Variants in RIPOR1 observed in about 807,000 individuals in gnomAD.
RIPOR1 encodes rho family-interacting cell polarization regulator 1.
In RIPOR1, 58 loss-of-function variants were observed where a neutral mutation model predicts 116.5. The ratio of observed to expected loss-of-function variants is 0.50; its 90% CI spans 0.40 to 0.62. The LOEUF is 0.62. Among genes scored for constraint, RIPOR1 ranks in the 20% least tolerant of loss-of-function variants. The probability of loss-of-function intolerance (pLI) is 0.00; values close to 1 mark genes in which losing one functional copy is unlikely to be tolerated. For synonymous variants in RIPOR1, 605 were observed against 650.0 expected (o/e 0.93, Z 1.05); for missense variants, 1,372 against 1,586.2 (o/e 0.86, Z 2.29).
chr16:67,528,534 C>G (rs1458319068), upstream of RIPOR1: 2 of 152,484 alleles, frequency 1.3e-5, no homozygotes, highest in Admixed American at 6.5e-5. Flanking sequence ...ACAGGGGGCC[C>G]GCAAGGTCTC....
At chr16:67,539,128 C>A in intron 4 of RIPOR1, 60 bp downstream of exon 4, 1 of 1,430,288 alleles carries the variant, frequency 7.0e-7, no homozygotes, top group Non-Finnish European at 9.7e-7. Context: ...TGGGCAAGGG[C>A]AGCCCTGGGT....
At position 67,540,501 on chromosome 16, in the gene RIPOR1, G is replaced by A. The variant is rs2050948004; in HGVS notation, c.675G>A (p.Glu225=). Residue 225 remains glutamate (E), a splice_region_variant and synonymous_variant, in exon 9 of 22, where the codon GAG becomes GAA. Coordinates refer to ENST00000042381, the MANE Select transcript of RIPOR1 (RefSeq NM_024519.4). The surrounding 1 kb of genome is among the most constrained non-coding windows in gnomAD (Gnocchi z 4.7). ...GGCTGTGTGTAGGCGATCAGTATGAGGTATGAGAATGTGCAGGGAAGGGCT... is the reference window on the plus strand; with the variant it reads ...GGCTGTGTGTAGGCGATCAGTATGAAGTATGAGAATGTGCAGGGAAGGGCT... The part of the protein sequence containing the change: ...FARLCVGDQY[E]ICMKYGRQRW... The A allele has an allele frequency of 6.2e-7, 1 of 1,614,120 alleles. No individual in the cohort carries two copies. The highest frequency in any genetic ancestry group is 8.5e-7 in the Non-Finnish European group (1 of 1,180,002).
chr16:67,544,972 C>T lies in RIPOR1; in HGVS notation c.2886C>T (p.Ala962=). Residue 962 remains alanine, a synonymous_variant, in exon 17 of 22, where the codon GCC becomes GCT. Transcript: ENST00000042381. The surrounding 1 kb of genome is among the most constrained non-coding windows in gnomAD (Gnocchi z 5.1). ...CCCTCACAGTGGTGCAGTTCTCGGC[C>T]TCTCGGCCTGGCTTCCTGACCTTCT... is the stretch of plus-strand genomic sequence containing the variant. ...SSAQEVVQFS[A]SRPGFLTFWD... 1 of 1,612,832 alleles carries T rather than the reference C, an allele frequency of 6.2e-7. No individual in the cohort carries two copies. Among genetic ancestry groups the T allele is most frequent in the Non-Finnish European group, 8.5e-7 (1 of 1,180,006 alleles).
At chr16:67,524,322 G>C (rs2050522876), upstream of RIPOR1, among the ~76,000 whole-genome samples, 1 of 152,124 alleles carries the variant, frequency 6.6e-6, no homozygotes, top group South Asian at 2.1e-4. Flanking sequence ...GGGTGTGGAG[G>C]CTGGTGGTGG....
chr16:67,529,937 C>T lies in RIPOR1; in HGVS notation c.-24+1023C>T, dbSNP rs950361053. Reference sequence around the variant, plus strand: ...ATCTGAGTCCTTGCCCCTGCGACACCCACCTCCGTGGTATTGGAGGGAGGA... The same window carrying T: ...ATCTGAGTCCTTGCCCCTGCGACACTCACCTCCGTGGTATTGGAGGGAGGA... On this transcript the variant is annotated intron_variant, in intron 1 of 21. Transcript: ENST00000042381. The surrounding 1 kb of genome is among the most constrained non-coding windows in gnomAD (Gnocchi z 4.1). 2.2e-6 allele frequency: 2 copies of T among 926,056 alleles called. No homozygotes were observed. The highest frequency in any genetic ancestry group is 1.6e-5 in the African/African-American group (1 of 61,434). The allele number at this position is 926,056 out of a possible 1,614,324, so 57.4% of individuals were successfully genotyped here. A position where few individuals can be genotyped will look rare whatever the true frequency, so the allele number is the denominator to read the frequency against.
At position 67,540,728 on chromosome 16, in the gene RIPOR1, AG is replaced by A; in HGVS notation, c.801+26del. ...AGGTGATGTCTCTGCCCAGGACGGC[AG>A]GCCACCATGGCCCTGTGAACCCCTT... On this transcript the variant is annotated intron_variant, in intron 10 of 21. Coordinates refer to ENST00000042381, the MANE Select transcript of RIPOR1 (RefSeq NM_024519.4). The surrounding 1 kb of genome is among the most constrained non-coding windows in gnomAD (Gnocchi z 4.7). 6.4e-7 allele frequency: 1 copy of A among 1,560,270 alleles called. No homozygotes were observed.
rs971492171 is a variant in RIPOR1 at position 67,537,663 on chromosome 16, G to C, written c.-23-761G>C. ...CCCAGGGGAAGCAGGCCGGGTTTGG[G>C]GGCCAGGAGTGTGTGTTTCGCCGAA... On this transcript the variant is annotated intron_variant, in intron 1 of 21. Coordinates refer to ENST00000042381, the MANE Select transcript of RIPOR1 (RefSeq NM_024519.4). The surrounding 1 kb of genome is among the most constrained non-coding windows in gnomAD (Gnocchi z 4.6). 1.7e-6 allele frequency: 2 copies of C among 1,148,552 alleles called. No individual in the cohort carries two copies. Among genetic ancestry groups the C allele is most frequent in the Non-Finnish European group, 2.3e-6 (2 of 880,458 alleles). The allele number at this position is 1,148,552 out of a possible 1,614,324, so 71.1% of individuals were successfully genotyped here.
chr16:67,526,291 C>T (rs2050539247), upstream of RIPOR1, among the ~76,000 whole-genome samples: 3 of 152,242 alleles, frequency 2.0e-5, no homozygotes, highest in South Asian at 4.1e-4. Context: ...GTGGAGGCTG[C>T]ATCCAGGGAG....
Position 67,540,192 on chromosome 16 carries a change from G to A in RIPOR1, c.554G>A (p.Arg185His), listed in dbSNP as rs199511942. The A allele has an allele frequency of 1.5e-4, 244 of 1,613,968 alleles. No individual in the cohort carries two copies. The highest frequency in any genetic ancestry group is 8.1e-5 in the Non-Finnish European group (96 of 1,179,986). Reference sequence around the variant, plus strand: ...CTGGCAGAGGCCACTCGGGGGCATCGCGAGTACACGGAGGTGAGGGATGGG... The same window carrying A: ...CTGGCAGAGGCCACTCGGGGGCATCACGAGTACACGGAGGTGAGGGATGGG... ...DSLAEATRGH[R>H]EYTESMCLLE... Residue 185 changes from arginine to histidine, a missense_variant, in exon 7 of 22, where the codon CGC becomes CAC. Physicochemically the swap from Arg to His is conservative, Grantham distance 29. Transcript: ENST00000042381. This position sits in a 1 kb window ranked among gnomAD's most constrained non-coding sequence, Gnocchi z 4.7.
rs200080940 is a variant in RIPOR1 at position 67,544,755 on chromosome 16, C to T, written c.2794C>T (p.Arg932Trp). 21 of 1,611,828 alleles carry T rather than the reference C, an allele frequency of 1.3e-5. No homozygotes were observed. The highest frequency in any genetic ancestry group is 3.3e-5 in the Admixed American group (2 of 59,940). ...GGCATGGGCCCTGGAGCGGCTGCTG[C>T]GGGAAGCCCGAGTACTGGAGGCAGT... ...QEAWALERLL[R>W]EARVLEAVCE... The change falls in exon 16 of 22, where the codon CGG becomes TGG. Residue 932 changes from arginine to tryptophan, a missense_variant. By Grantham distance (101) the Arg-to-Trp change is moderately radical. This residue lies in a region of RIPOR1 where 1,005 missense variants were observed against 1,144.7 expected (regional missense o/e 0.88). Coordinates refer to ENST00000042381, the MANE Select transcript of RIPOR1 (RefSeq NM_024519.4). The surrounding 1 kb of genome is among the most constrained non-coding windows in gnomAD (Gnocchi z 5.1).
chr16:67,533,452 G>A (rs1312229403), intron 1 of RIPOR1, among the ~76,000 whole-genome samples: 1 of 152,132 alleles, frequency 6.6e-6, no homozygotes, highest in Non-Finnish European at 1.5e-5. Flanking sequence ...GCCTCTGTGG[G>A]AAAGTAAGAT....
At chr16:67,520,242 A>G (rs1366578982) in intron 1 of RIPOR1, among the ~76,000 whole-genome samples, 1 of 150,528 alleles carries the variant, frequency 6.6e-6, no homozygotes, top group Non-Finnish European at 1.5e-5. Context: ...TTAGCCGGGC[A>G]TGGTTGTGTG....
intron 1 of RIPOR1, among the ~76,000 whole-genome samples, chr16:67,522,266 G>A (rs1318248055): frequency 5.6e-5 from 8 of 144,072 alleles, no homozygotes; most frequent in Non-Finnish European, 1.0e-4. Flanking sequence ...GCAGTGGCGC[G>A]ATCTCGGCTC....
chr16:67,526,009 C>T (rs1358303500), upstream of RIPOR1, among the ~76,000 whole-genome samples: 3 of 152,172 alleles, frequency 2.0e-5, no homozygotes, highest in Non-Finnish European at 2.9e-5. Context: ...CCCTGTGACC[C>T]TCGGAGGGAT....
At chr16:67,532,072 T>G (rs1180128981) in intron 1 of RIPOR1, among the ~76,000 whole-genome samples, 1 of 151,808 alleles carries the variant, frequency 6.6e-6, no homozygotes, top group Non-Finnish European at 1.5e-5. Context: ...TTTTTTTTTT[T>G]GTATATTTAG....
At chr16:67,535,574 G>T (rs1363204965) in intron 1 of RIPOR1, among the ~76,000 whole-genome samples, 2 of 152,170 alleles carry the variant, frequency 1.3e-5, no homozygotes, top group East Asian at 3.9e-4. Flanking sequence ...GCACAGGGTG[G>T]TGTCTGTGAA....
chr16:67,526,729 C>T (rs1323267707), upstream of RIPOR1, among the ~76,000 whole-genome samples: 1 of 152,198 alleles, frequency 6.6e-6, no homozygotes, highest in East Asian at 1.9e-4. Context: ...TGCTGCCTGG[C>T]CATGGTGAGC....
rs763149816 is a variant in RIPOR1 at position 67,530,249 on chromosome 16, G to A, written c.-24+1335G>A. Among the ~76,000 whole-genome samples, 3 of 152,196 alleles carry A rather than the reference G, an allele frequency of 2.0e-5. No individual in the cohort carries two copies. The highest frequency in any genetic ancestry group is 2.1e-4 in the South Asian group (1 of 4,830). On this transcript the variant is annotated intron_variant, in intron 1 of 21. Coordinates refer to ENST00000042381, the MANE Select transcript of RIPOR1 (RefSeq NM_024519.4). This position sits in a 1 kb window ranked among gnomAD's most constrained non-coding sequence, Gnocchi z 4.5. ...TCAGCCCTGGCCAGGCCCGGCCCGGGGGAGGCCGCCTGGCTCCCAGCGCGC... is the reference window on the plus strand; with the variant it reads ...TCAGCCCTGGCCAGGCCCGGCCCGGAGGAGGCCGCCTGGCTCCCAGCGCGC...
At chr16:67,528,506 T>G (rs1037232388), upstream of RIPOR1, 1 of 152,360 alleles carries the variant, frequency 6.6e-6, no homozygotes. Context: ...CTCCAGGACC[T>G]GTTTCAGGTG....
Sources: allele counts gnomAD v4.1 joint callset (sites outside exome capture counted in the v4.1 genomes callset), GRCh38; gene constraint gnomAD v4.1.1; regional missense constraint gnomAD v4.1.1; non-coding constraint Gnocchi (gnomAD v3.1); transcripts MANE v1.5; gene names NCBI Gene and HGNC (gene_info 2026-07-23, HGNC 2026-07-21).